Variants in KIAA1328 observed in about 807,000 individuals in gnomAD.
KIAA1328 encodes the protein KIAA1328.
Under a neutral mutation model 68.1 loss-of-function variants are expected in KIAA1328, and 52 were observed. The ratio of observed to expected loss-of-function variants is 0.76; its 90% confidence interval spans 0.61 to 0.96. KIAA1328 has a LOEUF of 0.96. Ranked by LOEUF, KIAA1328 falls within the 40% of genes least tolerant of loss-of-function variation. KIAA1328 has a pLI of 0.00. For synonymous variants in KIAA1328, 232 were observed against 239.4 expected (o/e 0.97, Z 0.28); for missense variants, 641 against 677.6 (o/e 0.95, Z 0.60).
intron 6 of KIAA1328, among the ~76,000 whole-genome samples, chr18:36,961,841 G>A (rs1307695893): frequency 6.6e-6 from 1 of 152,162 alleles, no homozygotes; most frequent in Non-Finnish European, 1.5e-5. Context: ...GGAACAACTG[G>A]TACCAGCCAC....
intron 7 of KIAA1328, among the ~76,000 whole-genome samples, chr18:37,111,300 G>T (rs2151902996): frequency 6.6e-6 from 1 of 152,272 alleles, no homozygotes; most frequent in Non-Finnish European, 1.5e-5. Flanking sequence ...CCTCAGGTCT[G>T]CCTTTAAGGC....
At chr18:36,866,986 A>G (rs2047775138) in intron 4 of KIAA1328, among the ~76,000 whole-genome samples, 1 of 152,214 alleles carries the variant, frequency 6.6e-6, no homozygotes, top group Non-Finnish European at 1.5e-5. Flanking sequence ...TATGACAAGC[A>G]TATTTTCAGA....
intron 6 of KIAA1328, among the ~76,000 whole-genome samples, chr18:37,017,971 T>C (rs552870300): frequency 3.3e-5 from 5 of 152,298 alleles, no homozygotes; most frequent in African/African-American, 1.2e-4. Flanking sequence ...TCAAGGTTAA[T>C]ATTGATATAT....
intron 7 of KIAA1328, among the ~76,000 whole-genome samples, chr18:37,068,908 T>G (rs2056434739): frequency 1.3e-5 from 2 of 152,056 alleles, no homozygotes; most frequent in Admixed American, 6.6e-5. Context: ...CTGCTGGAAT[T>G]TGAGCCACTG....
At chr18:36,873,908 A>C (rs1320964335) in intron 4 of KIAA1328, among the ~76,000 whole-genome samples, 1 of 151,864 alleles carries the variant, frequency 6.6e-6, no homozygotes, top group South Asian at 2.1e-4. Flanking sequence ...TCATGGTTCA[A>C]CTCCCACTTA....
chr18:36,917,672 C>A (rs143465751), intron 5 of KIAA1328, among the ~76,000 whole-genome samples: 122 of 152,312 alleles, frequency 8.0e-4, no homozygotes, highest in African/African-American at 2.9e-3. Flanking sequence ...ATATGCCAGA[C>A]AGAGATTTAG....
intron 5 of KIAA1328, among the ~76,000 whole-genome samples, chr18:36,936,168 A>G (rs1236716895): frequency 1.3e-5 from 2 of 150,446 alleles, no homozygotes; most frequent in African/African-American, 2.4e-5. Context: ...ATTTCTTCTA[A>G]AAAAAAAATG....
At position 36,864,274 on chromosome 18, in the gene KIAA1328, C is replaced by T. The variant is rs1040472693; in HGVS notation, c.332+19972C>T. ...ATTTTTGAAAGTTGAATCAGCCTTG[C>T]GTACCTGTAGTGCCTCACTTGTTAT... On this transcript the variant is annotated intron_variant, in intron 4 of 9. Coordinates refer to ENST00000280020, the MANE Select transcript of KIAA1328 (RefSeq NM_020776.3). Among the ~76,000 whole-genome samples the T allele has an allele frequency of 1.7e-4, 25 of 150,218 alleles. 1 individual carries two copies. Among genetic ancestry groups the T allele is most frequent in the East Asian group, 7.8e-4 (4 of 5,148 alleles).
chr18:37,000,854 A>G (rs1000302610), intron 6 of KIAA1328, among the ~76,000 whole-genome samples: 8 of 152,108 alleles, frequency 5.3e-5, no homozygotes, highest in African/African-American at 1.9e-4. Context: ...AGAAAATGGA[A>G]AAGCAACAAA....
At chr18:36,972,346 T>G (rs1278772513) in intron 6 of KIAA1328, among the ~76,000 whole-genome samples, 3 of 152,206 alleles carry the variant, frequency 2.0e-5, no homozygotes, top group African/African-American at 7.2e-5. Context: ...AGTTTTTTTC[T>G]TCTTTAGGTG....
At chr18:37,083,261 C>G (rs930141223) in intron 7 of KIAA1328, among the ~76,000 whole-genome samples, 1 of 150,028 alleles carries the variant, frequency 6.7e-6, no homozygotes, top group Non-Finnish European at 1.5e-5. Context: ...TGTGTCACCA[C>G]CAAATATTAG....
intron 4 of KIAA1328, among the ~76,000 whole-genome samples, chr18:36,877,869 A>G (rs549669404): frequency 1.3e-5 from 2 of 151,642 alleles, no homozygotes; most frequent in Non-Finnish European, 2.9e-5. Context: ...GGGTTTCACC[A>G]TGTTAGCCAG....
At chr18:37,126,152 AC>A (rs35623679) in intron 7 of KIAA1328, among the ~76,000 whole-genome samples, 1 of 152,188 alleles carries the variant, frequency 6.6e-6, no homozygotes, top group East Asian at 1.9e-4. Flanking sequence ...GTATAAAATT[AC>A]CTTTAGGCTT....
chr18:36,838,190 A>G (rs916562457), intron 3 of KIAA1328, among the ~76,000 whole-genome samples: 1 of 152,198 alleles, frequency 6.6e-6, no homozygotes, highest in African/African-American at 2.4e-5. Flanking sequence ...AACTATTTCT[A>G]ATCTAATAGT....
chr18:36,858,984 T>C (rs1392029796), intron 4 of KIAA1328, among the ~76,000 whole-genome samples: 1 of 152,208 alleles, frequency 6.6e-6, no homozygotes, highest in Non-Finnish European at 1.5e-5. Flanking sequence ...GTACCACTTA[T>C]TAAGTTTTTC....
At chr18:36,949,325 A>G (rs961352021) in intron 5 of KIAA1328, among the ~76,000 whole-genome samples, 1 of 152,226 alleles carries the variant, frequency 6.6e-6, no homozygotes, top group Admixed American at 6.5e-5. Context: ...TTTAATGTCT[A>G]CAGTGAATGC....
chr18:37,011,210 A>G (rs1199340294), intron 6 of KIAA1328, among the ~76,000 whole-genome samples: 1 of 152,218 alleles, frequency 6.6e-6, no homozygotes, highest in Non-Finnish European at 1.5e-5. Flanking sequence ...TTAAGGAAAC[A>G]GTGCATATGT....
At chr18:36,889,724 C>T (rs957220179) in intron 5 of KIAA1328, among the ~76,000 whole-genome samples, 1 of 152,112 alleles carries the variant, frequency 6.6e-6, no homozygotes, top group Non-Finnish European at 1.5e-5. Context: ...TAAGTAGCCA[C>T]TGAATAAAAA....
intron 6 of KIAA1328, among the ~76,000 whole-genome samples, chr18:36,976,808 G>A (rs1487948255): frequency 6.6e-6 from 1 of 152,156 alleles, no homozygotes; most frequent in Non-Finnish European, 1.5e-5. Flanking sequence ...ATGCTGAGCA[G>A]AAGGAAATCT....
Sources: gnomAD v4.1 joint callset for allele counts (sites outside exome capture counted in the v4.1 genomes callset) on GRCh38, gnomAD v4.1.1 for gene constraint, MANE v1.5 for transcripts, NCBI Gene and HGNC (gene_info 2026-07-23, HGNC 2026-07-21) for gene names.